TRAPPC11: variants seen among roughly 807,000 people sequenced by gnomAD.
TRAPPC11 encodes the protein trafficking protein particle complex subunit 11.
TRAPPC11 carries 104 observed loss-of-function variants against 151.2 expected under a neutral mutation model. The observed-to-expected ratio is 0.69, with a 90% confidence interval of 0.59 to 0.81. The LOEUF (loss-of-function observed/expected upper bound fraction) is 0.81. Ranked by LOEUF, TRAPPC11 falls within the 30% of genes least tolerant of loss-of-function variation. The pLI is 0.00. For missense variants in TRAPPC11, 1,230 were observed against 1,349.6 expected, an observed-to-expected ratio of 0.91 and a Z score of 1.39; for synonymous variants, 456 against 472.3, an observed-to-expected ratio of 0.97 and a Z score of 0.45.
chr4:183,686,674 T>A lies in TRAPPC11; in HGVS notation c.1819T>A (p.Phe607Ile). ...TTTTCATGTTGATGTTCCTGTTCAG[T>A]TTGATATTTATCTGAAGGCTGATTG... ...PSFHVDVPVQ[F>I]DIYLKADCPH... The change falls in exon 18 of 30, where the codon TTT becomes ATT. Residue 607 changes from phenylalanine (F) to isoleucine (I), a missense_variant. Coordinates refer to ENST00000334690, the MANE Select transcript of TRAPPC11 (RefSeq NM_021942.6). 6.2e-7 allele frequency: 1 copy of A among 1,614,122 alleles called. No individual in the cohort carries two copies. The highest frequency in any genetic ancestry group is 2.2e-5 in the East Asian group (1 of 44,870).
At position 183,666,408 on chromosome 4, in the gene TRAPPC11, C is replaced by T; in HGVS notation, c.356C>T (p.Thr119Ile). ...AAAGAAAAGCAGTCTGAGTGCGCCA[C>T]CAGAGTGGAAATAGTCAGGTATGAT... ...QWKEKQSECA[T>I]RVEIVRQSLQ... Residue 119 changes from threonine to isoleucine, a missense_variant, in exon 3 of 30, where the codon ACC becomes ATC. Transcript: ENST00000334690. The T allele has an allele frequency of 6.2e-7, 1 of 1,613,752 alleles. No homozygotes were observed. Among genetic ancestry groups the T allele is most frequent in the Non-Finnish European group, 8.5e-7 (1 of 1,179,776 alleles).
At position 183,694,139 on chromosome 4, in the gene TRAPPC11, A is replaced by G. The variant is rs1736408577; in HGVS notation, c.2508+101A>G. The G allele has an allele frequency of 6.3e-6, 8 of 1,270,860 alleles. No homozygotes were observed. The South Asian group carries it at 7.4e-5, about 12-fold the overall frequency. 78.7% of individuals were successfully genotyped at this position (1,270,860 alleles called of 1,614,324 possible). Reference sequence around the variant, plus strand: ...TTCAGAGCGTTTTAACGCATATTCTAGGACTGAAAAAGTGATTTAACTAAT... The same window carrying G: ...TTCAGAGCGTTTTAACGCATATTCTGGGACTGAAAAAGTGATTTAACTAAT... On this transcript the variant is annotated intron_variant, in intron 22 of 29. Coordinates refer to ENST00000334690, the MANE Select transcript of TRAPPC11 (RefSeq NM_021942.6).
intron 5 of TRAPPC11, among the ~76,000 whole-genome samples, 180 bp downstream of exon 5, chr4:183,668,297 T>G (rs985667274): frequency 3.3e-5 from 5 of 151,866 alleles, no homozygotes; most frequent in African/African-American, 1.2e-4. Flanking sequence ...TCCAATTCCC[T>G]GAGGTAACCA....
At chr4:183,679,908 G>C (rs1416638555) in intron 9 of TRAPPC11, among the ~76,000 whole-genome samples, 6 of 152,136 alleles carry the variant, frequency 3.9e-5, no homozygotes, top group Non-Finnish European at 8.8e-5. Context: ...ATAAAGACTT[G>C]TTAGAAGAGA....
chr4:183,665,770 G>T (rs1248655665), intron 2 of TRAPPC11, among the ~76,000 whole-genome samples: 1 of 152,164 alleles, frequency 6.6e-6, no homozygotes, highest in Non-Finnish European at 1.5e-5. Context: ...TCTCTGCTTT[G>T]TACTTCATCT....
intron 19 of TRAPPC11, among the ~76,000 whole-genome samples, chr4:183,691,874 T>C (rs73872666): frequency 0.016 from 2,494 of 152,306 alleles, 72 homozygotes; most frequent in African/African-American, 0.057. Flanking sequence ...TGAATATCTT[T>C]TGATGTTTAA....
chr4:183,698,342 T>C (rs1200533711), intron 25 of TRAPPC11, among the ~76,000 whole-genome samples: 1 of 152,226 alleles, frequency 6.6e-6, no homozygotes, highest in Non-Finnish European at 1.5e-5. Context: ...GCTTTCAGAA[T>C]GTCTTCATGA....
Position 183,679,382 on chromosome 4 carries a change from C to G in TRAPPC11, c.861C>G (p.Thr287=). 6.2e-7 allele frequency: 1 copy of G among 1,610,982 alleles called. No individual in the cohort carries two copies. Among genetic ancestry groups the G allele is most frequent in the Middle Eastern group, 1.7e-4 (1 of 6,052 alleles). Residue 287 remains threonine (T), a synonymous_variant, in exon 9 of 30, where the codon ACC becomes ACG. Coordinates refer to ENST00000334690, the MANE Select transcript of TRAPPC11 (RefSeq NM_021942.6). ...GTAGGCTGTGTTTTCAACACAACAC[C>G]CCATTGGATGCAATTGCTCAGTTCC... ...KICRLCFQHN[T]PLDAIAQFRK... is the part of the protein sequence containing the mutation.
rs547885956 is a variant in TRAPPC11 at position 183,704,926 on chromosome 4, AGTTTAAAAAGAT to A, written c.2964-41_2964-30del. The A allele has an allele frequency of 4.6e-4, 544 of 1,182,296 alleles. 1 individual carries two copies. The African/African-American group carries it at 6.9e-3, about 15-fold the overall frequency. 73.2% of individuals were successfully genotyped at this position (1,182,296 alleles called of 1,614,324 possible). ...CCTGTTTTTGATGAACTTCTTTCAT[AGTTTAAAAAGAT>A]GTTTAAAAAGAGTTTAAAAAGATGA... On this transcript the variant is annotated intron_variant, in intron 26 of 29. Transcript: ENST00000334690.
In TRAPPC11 at chr4:183,706,809, C is replaced by A; in HGVS notation, c.3058C>A (p.Leu1020Met). The change falls in exon 28 of 30, where the codon CTG becomes ATG. Residue 1020 changes from leucine (L) to methionine (M), a missense_variant and splice_region_variant. Physicochemically the swap from Leu to Met is conservative, Grantham distance 15. Transcript: ENST00000334690. ...ENIPLHVNAD[L>M]PSFGRVRESL... is the part of the protein sequence containing the mutation. Reference sequence around the variant, plus strand: ...AAGTGTGTCATCTTTCTCTGTAGATCTGCCGTCATTTGGGCGTGTCAGAGA... The same window carrying A: ...AAGTGTGTCATCTTTCTCTGTAGATATGCCGTCATTTGGGCGTGTCAGAGA... The A allele has an allele frequency of 6.2e-7, 1 of 1,612,312 alleles. No homozygotes were observed. Among genetic ancestry groups the A allele is most frequent in the African/African-American group, 1.3e-5 (1 of 75,000 alleles).
At chr4:183,685,193 C>T (rs759451168) in intron 16 of TRAPPC11, 48 bp downstream of exon 16, 27 of 1,609,464 alleles carry the variant, frequency 1.7e-5, no homozygotes, top group Non-Finnish European at 2.1e-5. Flanking sequence ...AATATGTGTA[C>T]TTATATCTAT....
intron 18 of TRAPPC11, 27 bp downstream of exon 18, chr4:183,686,775 A>G: frequency 5.0e-6 from 8 of 1,611,714 alleles, no homozygotes; most frequent in Non-Finnish European, 4.2e-6. Flanking sequence ...ATGTGTTTTT[A>G]CCACGTTTAT....
At chr4:183,699,941 C>T (rs562334665) in intron 25 of TRAPPC11, among the ~76,000 whole-genome samples, 50 of 152,148 alleles carry the variant, frequency 3.3e-4, no homozygotes, top group African/African-American at 1.2e-3. Context: ...TCTCCTGCCT[C>T]AGCCTCTCCG....
chr4:183,710,162 C>G (rs1172639976), intron 29 of TRAPPC11, among the ~76,000 whole-genome samples: 1 of 152,152 alleles, frequency 6.6e-6, no homozygotes. Flanking sequence ...TCTTTCATTC[C>G]TTTCTCTGGT....
intron 23 of TRAPPC11, among the ~76,000 whole-genome samples, chr4:183,695,764 T>C (rs145111854): frequency 2.0e-4 from 30 of 152,264 alleles, no homozygotes; most frequent in African/African-American, 6.3e-4. Flanking sequence ...TTACTAGTCA[T>C]TGGGAAAGAA....
chr4:183,665,127 C>T (rs1198111124), intron 2 of TRAPPC11, among the ~76,000 whole-genome samples: 4 of 135,784 alleles, frequency 2.9e-5, no homozygotes, highest in Non-Finnish European at 3.0e-5. Context: ...CGGAGTCTCG[C>T]TCTGTCCCCG....
At chr4:183,692,075 A>G (rs1376020952) in intron 19 of TRAPPC11, among the ~76,000 whole-genome samples, 2 of 152,208 alleles carry the variant, frequency 1.3e-5, no homozygotes, top group African/African-American at 4.8e-5. Flanking sequence ...GGCCCTGGGC[A>G]GTTACTTAGC....
chr4:183,664,496 C>T (rs977283424), intron 2 of TRAPPC11, among the ~76,000 whole-genome samples: 16 of 152,148 alleles, frequency 1.1e-4, no homozygotes, highest in South Asian at 8.3e-4. Context: ...GCTAGTGATA[C>T]GAATTTAAGT....
chr4:183,694,136 T>C, intron 22 of TRAPPC11, 98 bp downstream of exon 22: 1 of 1,286,126 alleles, frequency 7.8e-7, no homozygotes, highest in South Asian at 1.5e-5. Context: ...TAACGCATAT[T>C]CTAGGACTGA....
Sources: gnomAD v4.1 joint callset for allele counts (sites outside exome capture counted in the v4.1 genomes callset) on GRCh38, gnomAD v4.1.1 for gene constraint, MANE v1.5 for transcripts, NCBI Gene and HGNC (gene_info 2026-07-23, HGNC 2026-07-21) for gene names.